Variants in GABRA3 observed in about 807,000 individuals in gnomAD.
The protein encoded by GABRA3 is gamma-aminobutyric acid receptor subunit alpha-3.
GABRA3 carries 10 observed loss-of-function variants against 30.1 expected under a neutral mutation model. The ratio of observed to expected loss-of-function variants is 0.33; its 90% CI spans 0.20 to 0.56. GABRA3 has a LOEUF of 0.56. Ranked by LOEUF, GABRA3 falls within the 20% of genes least tolerant of loss-of-function variation. The pLI is 0.89. For synonymous variants in GABRA3, 151 were observed against 146.8 expected (o/e 1.03, Z -0.21); for missense variants, 233 against 392.0 (o/e 0.59, Z 3.42).
At chrX:152,445,525 A>C (rs960288648) in intron 1 of GABRA3, among the ~76,000 whole-genome samples, 64 of 111,591 alleles carry the variant, frequency 5.7e-4, no homozygotes, top group African/African-American at 1.7e-3. Flanking sequence ...TGGAAGGTGC[A>C]TTTCAATGAC....
intron 1 of GABRA3, among the ~76,000 whole-genome samples, chrX:152,384,841 C>A (rs1929253673): frequency 8.9e-6 from 1 of 111,767 alleles, no homozygotes; most frequent in South Asian, 3.7e-4. Flanking sequence ...GTTTGTCACA[C>A]ATCATACGTA....
chrX:152,382,038 G>C (rs756346851), intron 1 of GABRA3, among the ~76,000 whole-genome samples: 17 of 111,238 alleles, frequency 1.5e-4, no homozygotes, highest in African/African-American at 5.6e-4. Context: ...ATCTGACAAA[G>C]GGTTAACATC....
intron 6 of GABRA3, among the ~76,000 whole-genome samples, chrX:152,216,420 ACACACACACACACACACACAC>A (rs1569358456): frequency 2.0e-5 from 2 of 99,111 alleles, no homozygotes; most frequent in Admixed American, 1.1e-4. Flanking sequence ...ACACACACAC[ACACACACACACACACACACAC>A]AATGGAATGC....
At chrX:152,423,269 A>T (rs1044852055) in intron 1 of GABRA3, among the ~76,000 whole-genome samples, 6 of 112,020 alleles carry the variant, frequency 5.4e-5, no homozygotes, top group African/African-American at 1.6e-4. Context: ...CACTGTAGAC[A>T]TCTTTGTACT....
At chrX:152,250,360 C>T (rs1390614398) in intron 5 of GABRA3, among the ~76,000 whole-genome samples, 2 of 111,204 alleles carry the variant, frequency 1.8e-5, no homozygotes, top group Non-Finnish European at 3.8e-5. Context: ...AGTAAGCACT[C>T]GTGAATGTGC....
intron 8 of GABRA3, among the ~76,000 whole-genome samples, chrX:152,191,554 TGGGTC>T (rs1937325490): frequency 9.2e-6 from 1 of 108,294 alleles, no homozygotes; most frequent in Admixed American, 1.0e-4. Flanking sequence ...CTCCTTAGCC[TGGGTC>T]AAGTGGGGCA....
chrX:152,449,418 A>C (rs1931166650), intron 1 of GABRA3, among the ~76,000 whole-genome samples: 1 of 112,387 alleles, frequency 8.9e-6, no homozygotes, highest in African/African-American at 3.2e-5. Flanking sequence ...TTAGTATTCT[A>C]AAATTTTCGG....
intron 1 of GABRA3, among the ~76,000 whole-genome samples, chrX:152,445,078 A>T (rs1162733346): frequency 3.8e-5 from 4 of 104,903 alleles, no homozygotes; most frequent in Admixed American, 1.0e-4. Flanking sequence ...AAAAAAAAAA[A>T]AAAAAAAAAT....
At chrX:152,204,264 G>A (rs1281521910) in intron 7 of GABRA3, among the ~76,000 whole-genome samples, 1 of 111,234 alleles carries the variant, frequency 9.0e-6, no homozygotes, top group Non-Finnish European at 1.9e-5. Context: ...AAACATAAGT[G>A]GTTAAAATGG....
At chrX:152,234,036 G>A (rs775806354) in intron 5 of GABRA3, among the ~76,000 whole-genome samples, 2 of 81,626 alleles carry the variant, frequency 2.5e-5, no homozygotes, top group Non-Finnish European at 4.6e-5. Context: ...TCGCACTCTA[G>A]GGACTGTTGT....
chrX:152,279,786 T>C lies in GABRA3; in HGVS notation c.330+4882A>G, dbSNP rs185943769. Among the ~76,000 whole-genome samples the C allele has an allele frequency of 5.9e-4, 66 of 111,668 alleles. 1 individual carries two copies. In the East Asian group the frequency reaches 0.014, roughly 23 times the overall value. ...TTTGTTTGTATCCTCTTTTATTTCA[T>C]TGAGAAGTGGTTTGTAGTTCTCCTT... On this transcript the variant is annotated intron_variant, in intron 4 of 9. Coordinates refer to ENST00000370314, the MANE Select transcript of GABRA3 (RefSeq NM_000808.4).
chrX:152,447,369 C>T (rs1188982233), intron 1 of GABRA3, among the ~76,000 whole-genome samples: 1 of 111,533 alleles, frequency 9.0e-6, no homozygotes, highest in African/African-American at 3.3e-5. Flanking sequence ...ACCAAGTAAC[C>T]CTCTGAAGTA....
intron 1 of GABRA3, among the ~76,000 whole-genome samples, chrX:152,389,042 T>G (rs931631422): frequency 8.9e-6 from 1 of 112,030 alleles, no homozygotes; most frequent in African/African-American, 3.2e-5. Flanking sequence ...TAGATACACA[T>G]AGTAAATATG....
intron 1 of GABRA3, among the ~76,000 whole-genome samples, chrX:152,409,668 C>CA (rs1233819204): frequency 1.8e-5 from 2 of 110,580 alleles, no homozygotes; most frequent in Non-Finnish European, 3.8e-5. Flanking sequence ...AACTCAATAC[C>CA]AAAAAAAATC....
intron 1 of GABRA3, among the ~76,000 whole-genome samples, chrX:152,438,517 T>A (rs1930834719): frequency 8.9e-6 from 1 of 112,419 alleles, no homozygotes; most frequent in African/African-American, 3.2e-5. Context: ...CAAACACTTA[T>A]AGCAGCTTTA....
chrX:152,296,552 T>A (rs1939531502), intron 3 of GABRA3, among the ~76,000 whole-genome samples: 1 of 111,640 alleles, frequency 9.0e-6, no homozygotes, highest in African/African-American at 3.3e-5. Flanking sequence ...TCATGCCCAC[T>A]TTTGCAGGCT....
At chrX:152,215,060 T>A (rs865798083) in intron 6 of GABRA3, among the ~76,000 whole-genome samples, 5 of 105,064 alleles carry the variant, frequency 4.8e-5, no homozygotes, top group African/African-American at 1.7e-4. Flanking sequence ...ATATATTTTT[T>A]TATATGATTA....
chrX:152,409,498 C>T (rs144807888), intron 1 of GABRA3, among the ~76,000 whole-genome samples: 2,624 of 111,474 alleles, frequency 0.024, 26 homozygotes, highest in Non-Finnish European at 0.035. Context: ...AAAGCACAGG[C>T]AAACAAAGCA....
intron 5 of GABRA3, among the ~76,000 whole-genome samples, chrX:152,227,843 T>G (rs1937994214): frequency 9.0e-6 from 1 of 111,025 alleles, no homozygotes; most frequent in Non-Finnish European, 1.9e-5. Flanking sequence ...GCAGTGCAAA[T>G]CTGGTGTTCT....
Sources: allele counts gnomAD v4.1 joint callset (sites outside exome capture counted in the v4.1 genomes callset), GRCh38; gene constraint gnomAD v4.1.1; transcripts MANE v1.5; gene names NCBI Gene and HGNC (gene_info 2026-07-23, HGNC 2026-07-21).